Variants in DDX42 observed in about 807,000 individuals in gnomAD.
DDX42 encodes ATP-dependent RNA helicase DDX42.
DDX42 carries 22 observed loss-of-function variants against 101.5 expected under a neutral mutation model. The observed-to-expected ratio is 0.22, with a 90% CI of 0.15 to 0.31. DDX42 has a LOEUF of 0.31. Among genes scored for constraint, DDX42 ranks in the 10% least tolerant of loss-of-function variants. The probability of loss-of-function intolerance (pLI) is 1.00; values close to 1 mark genes in which losing one functional copy is unlikely to be tolerated. For synonymous variants in DDX42, 402 were observed against 401.2 expected, an observed-to-expected ratio of 1.00 and a Z score of -0.02; for missense variants, 849 against 1,199.9, an observed-to-expected ratio of 0.71 and a Z score of 4.32.
chr17:63,795,548 T>C (rs1400964927), intron 3 of DDX42, among the ~76,000 whole-genome samples: 1 of 152,108 alleles, frequency 6.6e-6, no homozygotes, highest in Admixed American at 6.6e-5. Flanking sequence ...CCCAGGCCGG[T>C]CTCAAACTCG....
intron 13 of DDX42, 109 bp from the exon 14 acceptor site, chr17:63,811,823 G>C (rs1194389380): frequency 3.5e-6 from 5 of 1,435,724 alleles, no homozygotes; most frequent in Non-Finnish European, 4.8e-6. Context: ...AGGAGAACTG[G>C]GATTGTTCAA....
At chr17:63,796,113 T>TA (rs2039689780) in intron 3 of DDX42, among the ~76,000 whole-genome samples, 1 of 152,236 alleles carries the variant, frequency 6.6e-6, no homozygotes, top group Admixed American at 6.5e-5. Context: ...CTTCTTGAGA[T>TA]ACGAACATTT....
chr17:63,792,555 A>C lies in DDX42; in HGVS notation c.365A>C (p.Glu122Ala). ...DDDPLEAFMAEVEDQAARDMK... is the reference protein window; with the variant it reads ...DDDPLEAFMAAVEDQAARDMK... Reference sequence around the variant, plus strand: ...GATCCCTTGGAGGCATTCATGGCTGAAGTGGAGGCAAGTATCAACATGTTT... The same window carrying C: ...GATCCCTTGGAGGCATTCATGGCTGCAGTGGAGGCAAGTATCAACATGTTT... The change falls in exon 3 of 18, where the codon GAA (glutamate) becomes GCA (alanine). Residue 122 changes from glutamate to alanine, a missense_variant. By Grantham distance (107) the Glu-to-Ala change is moderately radical (BLOSUM62 -1). Coordinates refer to ENST00000389924, the MANE Select transcript of DDX42 (RefSeq NM_203499.3). The C allele has an allele frequency of 6.2e-7, 1 of 1,609,176 alleles. No individual in the cohort carries two copies. Among genetic ancestry groups the C allele is most frequent in the Non-Finnish European group, 8.5e-7 (1 of 1,177,868 alleles).
At chr17:63,814,398 G>A (rs999305661) in intron 15 of DDX42, among the ~76,000 whole-genome samples, 9 of 152,252 alleles carry the variant, frequency 5.9e-5, no homozygotes, top group Non-Finnish European at 4.4e-5. Context: ...CAATGTGGCA[G>A]TGCCCAAGTT....
At chr17:63,800,436 G>A (rs1009392960) in intron 5 of DDX42, 32 bp from the exon 6 acceptor site, 4 of 1,605,112 alleles carry the variant, frequency 2.5e-6, no homozygotes, top group Non-Finnish European at 3.4e-6. Context: ...AATTGTACTT[G>A]GGTGTGATTA....
chr17:63,818,091 G>A lies in DDX42; in HGVS notation c.2510G>A (p.Gly837Asp). 3.7e-6 allele frequency: 6 copies of A among 1,614,016 alleles called. No individual in the cohort carries two copies. The highest frequency in any genetic ancestry group is 4.2e-6 in the Non-Finnish European group (5 of 1,180,016). The part of the protein sequence containing the change: ...RHSDSPRHGD[G>D]GRHGDGYRHP... ...AGCGATAGTCCACGTCACGGAGATG[G>A]TGGTCGCCATGGAGATGGATACCGC... is the stretch of plus-strand genomic sequence containing the variant. Residue 837 changes from glycine to aspartate, a missense_variant, in exon 18 of 18, where the codon GGT becomes GAT. By Grantham distance (94) the Gly-to-Asp change is moderately conservative. Around this residue, in one of 5 missense-constraint regions of DDX42, gnomAD observed 300 missense variants for 304.9 expected, o/e 0.98. Coordinates refer to ENST00000389924, the MANE Select transcript of DDX42 (RefSeq NM_203499.3).
At chr17:63,780,955 T>G (rs2144523830) in intron 1 of DDX42, among the ~76,000 whole-genome samples, 1 of 152,338 alleles carries the variant, frequency 6.6e-6, no homozygotes. Flanking sequence ...ATCTTCAGTT[T>G]TTCAGACTTT....
At chr17:63,804,933 ATAAAT>A in intron 6 of DDX42, 133 bp from the exon 7 acceptor site, 4 of 1,061,956 alleles carry the variant, frequency 3.8e-6, no homozygotes, top group Non-Finnish European at 5.3e-6. Flanking sequence ...TAAGCTGAGA[ATAAAT>A]TAATTTTTTT....
intron 16 of DDX42, 146 bp downstream of exon 16, chr17:63,815,819 A>G (rs2039970403): frequency 2.2e-6 from 1 of 455,680 alleles, no homozygotes; most frequent in Non-Finnish European, 3.9e-6. Context: ...ATTTGAGTCA[A>G]TGCAGTGCTC....
chr17:63,817,747 A>C lies in DDX42; in HGVS notation c.2166A>C (p.Gly722=). ...CCAGTTTAAGTAATCAGAAGGCTGG[A>C]AGTTCTGCTGCTGGGGCAAGTGGGT... The part of the protein sequence containing the change: ...VAASLSNQKA[G]SSAAGASGWT... The change falls in exon 18 of 18, where the codon GGA becomes GGC. Residue 722 remains glycine, a synonymous_variant. Transcript: ENST00000389924. 6.2e-7 allele frequency: 1 copy of C among 1,614,260 alleles called. No individual in the cohort carries two copies. The highest frequency in any genetic ancestry group is 8.5e-7 in the Non-Finnish European group (1 of 1,180,040).
At chr17:63,786,139 A>G (rs2144534119) in intron 1 of DDX42, among the ~76,000 whole-genome samples, 1 of 152,360 alleles carries the variant, frequency 6.6e-6, no homozygotes, top group South Asian at 2.1e-4. Flanking sequence ...TGAGATCCCA[A>G]TAAAATTAAA....
intron 16 of DDX42, chr17:63,815,933 C>T (rs550661296): frequency 3.0e-5 from 6 of 199,456 alleles, no homozygotes; most frequent in African/African-American, 4.6e-5. Context: ...CACTGTGGTC[C>T]CTGGACCAGC....
intron 2 of DDX42, among the ~76,000 whole-genome samples, chr17:63,791,464 A>G (rs1258208243): frequency 6.6e-6 from 1 of 152,014 alleles, no homozygotes; most frequent in Non-Finnish European, 1.5e-5. Context: ...GGCATGTGCA[A>G]CCATGCCTGG....
intron 6 of DDX42, among the ~76,000 whole-genome samples, chr17:63,804,680 A>T (rs960814742): frequency 1.3e-5 from 2 of 152,166 alleles, no homozygotes; most frequent in Admixed American, 6.5e-5. Flanking sequence ...GAGTCTCTTT[A>T]GGAAGTAGGT....
intron 1 of DDX42, among the ~76,000 whole-genome samples, chr17:63,786,717 G>A (rs1048551392): frequency 2.6e-5 from 4 of 151,780 alleles, no homozygotes; most frequent in African/African-American, 7.3e-5. Flanking sequence ...TCGCTGTGTC[G>A]CCCAGGCTGG....
In DDX42 at chr17:63,787,121, G is replaced by C. The variant is rs201879734; in HGVS notation, c.72G>C (p.Gly24=). The part of the protein sequence containing the change: ...FGFGGFAISA[G]KKEEPKLPQQ... ...TTGGAGGTTTTGCCATCAGTGCTGG[G>C]AAAAAGGAGGAACCCAAACTCCCAC... Residue 24 remains glycine, a synonymous_variant, in exon 2 of 18, where the codon GGG becomes GGC. Coordinates refer to ENST00000389924, the MANE Select transcript of DDX42 (RefSeq NM_203499.3). 10 of 1,614,208 alleles carry C rather than the reference G, an allele frequency of 6.2e-6. No homozygotes were observed. In the East Asian group the frequency reaches 2.2e-4, roughly 36 times the overall value.
chr17:63,808,888 G>C lies in DDX42; in HGVS notation c.1092G>C (p.Gly364=). 1 of 1,614,082 alleles carries C rather than the reference G, an allele frequency of 6.2e-7. No homozygotes were observed. Among genetic ancestry groups the C allele is most frequent in the Non-Finnish European group, 8.5e-7 (1 of 1,179,978 alleles). The change falls in exon 10 of 18, where the codon GGG becomes GGC. Residue 364 remains glycine (G), a synonymous_variant. Transcript: ENST00000389924. The part of the protein sequence containing the change: ...NLRSVAVYGG[G]SMWEQAKALQ... Reference sequence around the variant, plus strand: ...GATCAGTGGCCGTATATGGAGGAGGGAGTATGTGGGAGCAGGCCAAGGCCC... The same window carrying C: ...GATCAGTGGCCGTATATGGAGGAGGCAGTATGTGGGAGCAGGCCAAGGCCC...
intron 14 of DDX42, among the ~76,000 whole-genome samples, chr17:63,812,808 T>A (rs562945002): frequency 6.6e-6 from 1 of 152,238 alleles, no homozygotes; most frequent in East Asian, 1.9e-4. Context: ...GCGGATCACC[T>A]GAGGTCAGGA....
At chr17:63,775,835 G>T (rs60424091) in intron 1 of DDX42, among the ~76,000 whole-genome samples, 2,560 of 152,290 alleles carry the variant, frequency 0.017, 69 homozygotes, top group African/African-American at 0.058. Flanking sequence ...GATTTATATT[G>T]TAACAATTTA....
Sources: gnomAD v4.1 joint callset for allele counts (sites outside exome capture counted in the v4.1 genomes callset) on GRCh38, gnomAD v4.1.1 for gene constraint, gnomAD v4.1.1 regional missense constraint, MANE v1.5 for transcripts, NCBI Gene and HGNC (gene_info 2026-07-23, HGNC 2026-07-21) for gene names.